The following SCAF8 variants were observed in gnomAD, a reference collection of about 807,000 sequenced individuals.
SCAF8 encodes SR-related and CTD-associated factor 8.
SCAF8 carries 23 observed loss-of-function variants against 140.5 expected under a neutral mutation model. The observed-to-expected ratio is 0.16, with a 90% CI of 0.12 to 0.23. SCAF8 has a LOEUF of 0.23. Ranked by LOEUF, SCAF8 falls within the 10% of genes least tolerant of loss-of-function variation. SCAF8 has a pLI of 1.00. For missense variants in SCAF8, 1,397 were observed against 1,555.7 expected (o/e 0.90, Z 1.72); for synonymous variants, 575 against 528.9 (o/e 1.09, Z -1.20).
intron 17 of SCAF8, chr6:154,825,190 C>G (rs923759520): frequency 1.3e-5 from 2 of 152,204 alleles, no homozygotes; most frequent in Admixed American, 1.3e-4. Flanking sequence ...ATATGGAACA[C>G]TTCACAAATT....
At position 154,733,418 on chromosome 6, in the gene SCAF8, ATTGGATGCCGCAGCCGCTGCTGC is replaced by A; in HGVS notation, c.-482_-460del. On this transcript the variant is annotated 5_prime_UTR_variant, in exon 1 of 20. It removes an upstream start codon present in the reference 5' UTR. Coordinates refer to ENST00000367178, the MANE Select transcript of SCAF8 (RefSeq NM_014892.5). ...GCGCGGCCCGACTCGAGTCCGCCAT[ATTGGATGCCGCAGCCGCTGCTGC>A]CAGCGCTTCCTCCTCTGTCTTCGCC... is the stretch of plus-strand genomic sequence containing the variant. 7.1e-7 allele frequency: 1 copy of A among 1,399,282 alleles called. No individual in the cohort carries two copies. 86.7% of individuals were successfully genotyped at this position (1,399,282 alleles called of 1,614,324 possible).
At chr6:154,804,645 A>G (rs1436684496) in intron 8 of SCAF8, among the ~76,000 whole-genome samples, 1 of 152,178 alleles carries the variant, frequency 6.6e-6, no homozygotes, top group Non-Finnish European at 1.5e-5. Context: ...GCTTTTCATT[A>G]TTTGAAGACA....
intron 1 of SCAF8, among the ~76,000 whole-genome samples, chr6:154,745,111 C>A (rs543438249): frequency 2.3e-3 from 349 of 152,346 alleles, no homozygotes; most frequent in Non-Finnish European, 3.9e-3. Context: ...TCACACCTTA[C>A]ATTCACTTGT....
intron 1 of SCAF8, among the ~76,000 whole-genome samples, chr6:154,762,558 G>A (rs1382753373): frequency 2.0e-5 from 3 of 152,134 alleles, no homozygotes; most frequent in African/African-American, 2.4e-5. Context: ...TAGATAGAGG[G>A]GATTATATAG....
intron 1 of SCAF8, among the ~76,000 whole-genome samples, chr6:154,736,487 G>A (rs1409588144): frequency 3.3e-5 from 5 of 151,522 alleles, no homozygotes; most frequent in Non-Finnish European, 4.4e-5. Flanking sequence ...GGCCAGGCTG[G>A]TCTCGAACTC....
chr6:154,832,094 G>A lies in SCAF8; in HGVS notation c.2515G>A (p.Gly839Arg). The change falls in exon 20 of 20, where the codon GGG (glycine) becomes AGG (arginine). Residue 839 changes from glycine to arginine, a missense_variant. Around this residue, in one of 5 missense-constraint regions of SCAF8, gnomAD observed 930 missense variants for 874.6 expected, o/e 1.06. Transcript: ENST00000367178. ...GCCATCTAATGTTTCCAGTAGTTCT[G>A]GGATTATTGCAGCCCAACCACCAAA... ...VRPSNVSSSS[G>R]IIAAQPPNIL... 1 of 1,614,014 alleles carries A rather than the reference G, an allele frequency of 6.2e-7. No individual in the cohort carries two copies. Among genetic ancestry groups the A allele is most frequent in the Non-Finnish European group, 8.5e-7 (1 of 1,179,958 alleles).
At chr6:154,788,052 T>C (rs763341368) in intron 4 of SCAF8, 30 bp downstream of exon 4, 1 of 1,568,678 alleles carries the variant, frequency 6.4e-7, no homozygotes, top group Non-Finnish European at 8.6e-7. Context: ...TTTTTGTTTT[T>C]TTAAAAGTAG....
In SCAF8 at chr6:154,748,450, T is replaced by C. The variant is rs550646416; in HGVS notation, c.30+14520T>C. 7.8e-4 allele frequency among the ~76,000 whole-genome samples: 119 copies of C among 152,322 alleles called. 1 individual carries two copies. Among genetic ancestry groups the C allele is most frequent in the Non-Finnish European group, 1.4e-3 (98 of 68,026 alleles). ...TGTTAATAAAAGCTCAAGAACTGTTTGCAGATTATCCATCTTGTCTCTGGC... is the reference window on the plus strand; with the variant it reads ...TGTTAATAAAAGCTCAAGAACTGTTCGCAGATTATCCATCTTGTCTCTGGC... On this transcript the variant is annotated intron_variant, in intron 1 of 19. Transcript: ENST00000367178.
rs1350910767 is a variant in SCAF8 at position 154,784,788 on chromosome 6, G to A, written c.160-3073G>A. On this transcript the variant is annotated intron_variant, in intron 3 of 19. Coordinates refer to ENST00000367178, the MANE Select transcript of SCAF8 (RefSeq NM_014892.5). ...AGGGGTCTTGGAACGAATCCCCCAA[G>A]GCTACTGAAGGACAACTGTATTTCT... Among the ~76,000 whole-genome samples the A allele has an allele frequency of 2.0e-5, 3 of 152,260 alleles. No individual in the cohort carries two copies. The East Asian group carries it at 5.8e-4, about 29-fold the overall frequency.
At chr6:154,742,130 G>A in intron 1 of SCAF8, 1 of 683,332 alleles carries the variant, frequency 1.5e-6, no homozygotes, top group Non-Finnish European at 2.5e-6. Flanking sequence ...GCAGAATGAA[G>A]TTTGTCACTT....
At chr6:154,782,779 A>T (rs1280732920) in intron 3 of SCAF8, among the ~76,000 whole-genome samples, 1 of 152,140 alleles carries the variant, frequency 6.6e-6, no homozygotes, top group Admixed American at 6.6e-5. Flanking sequence ...CAAGAGGAAG[A>T]TGTAGGCTCT....
At chr6:154,767,529 CTTTTTTTTTTTT>C (rs71021076) in intron 1 of SCAF8, among the ~76,000 whole-genome samples, 7 of 91,028 alleles carry the variant, frequency 7.7e-5, no homozygotes, top group Admixed American at 1.3e-4. Flanking sequence ...CTTCTGTTAT[CTTTTTTTTTTTT>C]TTTTTTTTTT....
At chr6:154,831,703 TA>T (rs58013583) in intron 19 of SCAF8, among the ~76,000 whole-genome samples, 75 of 48,084 alleles carry the variant, frequency 1.6e-3, no homozygotes, top group African/African-American at 2.2e-3. Flanking sequence ...CTCCTGTTCT[TA>T]AAAAAAAAAA....
At chr6:154,789,175 C>G (rs534662556) in intron 4 of SCAF8, among the ~76,000 whole-genome samples, 2 of 152,078 alleles carry the variant, frequency 1.3e-5, no homozygotes, top group South Asian at 2.1e-4. Context: ...ATGGCATGAT[C>G]TTGGCTCACT....
At position 154,800,640 on chromosome 6, in the gene SCAF8, G is replaced by C. The variant is rs139060872; in HGVS notation, c.607-1331G>C. On this transcript the variant is annotated intron_variant, in intron 6 of 19. Transcript: ENST00000367178. ...TCTTTCTTTTGGTAGTAGTGGTTTT[G>C]GAAAGGAGGGTAATGATTATGAAAA... Among the ~76,000 whole-genome samples, 741 of 149,620 alleles carry C rather than the reference G, an allele frequency of 5.0e-3. 12 individuals carry two copies. The highest frequency in any genetic ancestry group is 0.018 in the African/African-American group (717 of 39,852).
intron 1 of SCAF8, among the ~76,000 whole-genome samples, chr6:154,740,014 G>A (rs992250611): frequency 7.9e-5 from 12 of 152,108 alleles, no homozygotes; most frequent in Admixed American, 6.6e-4. Context: ...CATCTACCAG[G>A]GAATCTGTCT....
At chr6:154,793,981 G>C (rs988304471) in intron 5 of SCAF8, among the ~76,000 whole-genome samples, 3 of 151,896 alleles carry the variant, frequency 2.0e-5, no homozygotes, top group African/African-American at 7.3e-5. Flanking sequence ...GTGTGCAGTG[G>C]TGTGATCATA....
chr6:154,827,278 T>C, intron 18 of SCAF8, 38 bp downstream of exon 18: 1 of 1,401,762 alleles, frequency 7.1e-7, no homozygotes, highest in South Asian at 1.3e-5. Context: ...TTATTCATGG[T>C]AGTGTTAATT....
At position 154,833,907 on chromosome 6, in the gene SCAF8, GTC is replaced by G. The variant is rs1778824291; in HGVS notation, c.*516_*517del. 6.6e-6 allele frequency: 1 copy of G among 152,624 alleles called. No homozygotes were observed. The highest frequency in any genetic ancestry group is 1.9e-4 in the East Asian group (1 of 5,192). The allele number at this position is 152,624 out of a possible 1,614,324, so 9.5% of individuals were successfully genotyped here. A position where few individuals can be genotyped will look rare whatever the true frequency, so the allele number is the denominator to read the frequency against. The stretch of plus-strand genomic sequence containing the variant: ...GTGATTTTGTAAAATCTACACTACG[GTC>G]TCTGTTTCTCCAAAGTAAGTGTTTG... On this transcript the variant is annotated 3_prime_UTR_variant, in exon 20 of 20. Transcript: ENST00000367178.
Sources: allele counts gnomAD v4.1 joint callset (sites outside exome capture counted in the v4.1 genomes callset), GRCh38; gene constraint gnomAD v4.1.1; regional missense constraint gnomAD v4.1.1; transcripts MANE v1.5; gene names NCBI Gene and HGNC (gene_info 2026-07-23, HGNC 2026-07-21).